The following PARG variants were observed in gnomAD, a reference collection of about 807,000 sequenced individuals.
PARG encodes mitochondrial poly(ADP-ribose) glycohydrolase.
In PARG, 35 loss-of-function variants were observed where a neutral mutation model predicts 113.0. The observed-to-expected ratio is 0.31, with a 90% CI of 0.24 to 0.41. The LOEUF is 0.41. PARG is among the 10% of genes least tolerant of loss of function. The probability of loss-of-function intolerance (pLI) is 1.00; values close to 1 mark genes in which losing one functional copy is unlikely to be tolerated. For synonymous variants in PARG, 330 were observed against 409.9 expected, an observed-to-expected ratio of 0.81 and a Z score of 2.36; for missense variants, 797 against 1,169.4, an observed-to-expected ratio of 0.68 and a Z score of 4.64.
chr10:49,834,361 A>G (rs901519169), intron 15 of PARG, among the ~76,000 whole-genome samples: 1 of 152,180 alleles, frequency 6.6e-6, no homozygotes, highest in Non-Finnish European at 1.5e-5. Flanking sequence ...TCTGTTTTAT[A>G]CTATCAGGAT....
At chr10:49,852,666 A>T (rs1554834394) in intron 13 of PARG, among the ~76,000 whole-genome samples, 2 of 150,244 alleles carry the variant, frequency 1.3e-5, no homozygotes, top group Non-Finnish European at 3.0e-5. Context: ...CCACGTTCAA[A>T]AGATTCTCCC....
At chr10:49,940,066 G>A (rs1259798765) in intron 1 of PARG, among the ~76,000 whole-genome samples, 1 of 152,142 alleles carries the variant, frequency 6.6e-6, no homozygotes, top group Non-Finnish European at 1.5e-5. Flanking sequence ...ACATGTTTAT[G>A]TTATCTATGC....
chr10:49,916,678 G>A (rs1361684442), intron 6 of PARG, among the ~76,000 whole-genome samples: 3 of 151,938 alleles, frequency 2.0e-5, no homozygotes, highest in Admixed American at 6.6e-5. Flanking sequence ...CCAGAGTCAG[G>A]TATGCATAAG....
chr10:49,915,092 T>G (rs1837394629), intron 7 of PARG, among the ~76,000 whole-genome samples: 1 of 151,632 alleles, frequency 6.6e-6, no homozygotes, highest in Non-Finnish European at 1.5e-5. Context: ...ATTAGCTTCT[T>G]AAATATGATC....
intron 6 of PARG, 38 bp downstream of exon 6, chr10:49,922,298 G>A (rs1474179648): frequency 2.5e-6 from 4 of 1,571,372 alleles, no homozygotes; most frequent in Non-Finnish European, 3.5e-6. Flanking sequence ...AGGAGACACA[G>A]GGCCCATAAA....
At chr10:49,829,279 C>CT (rs1844535140) in intron 16 of PARG, among the ~76,000 whole-genome samples, 1 of 151,868 alleles carries the variant, frequency 6.6e-6, no homozygotes, top group Admixed American at 6.6e-5. Flanking sequence ...TTGTAATTTT[C>CT]TTTTTTTGTA....
intron 13 of PARG, among the ~76,000 whole-genome samples, chr10:49,853,550 C>CA (rs1331561365): frequency 1.3e-5 from 2 of 152,114 alleles, no homozygotes; most frequent in Non-Finnish European, 2.9e-5. Context: ...CACGTGCATC[C>CA]ATGATAACTA....
intron 7 of PARG, among the ~76,000 whole-genome samples, chr10:49,899,736 G>A (rs1161295798): frequency 6.6e-6 from 1 of 150,630 alleles, no homozygotes; most frequent in Non-Finnish European, 1.5e-5. Flanking sequence ...CAGCTGTGGT[G>A]ACACATACAA....
At chr10:49,936,187 C>T (rs1312802480) in intron 1 of PARG, among the ~76,000 whole-genome samples, 1 of 151,888 alleles carries the variant, frequency 6.6e-6, no homozygotes, top group East Asian at 1.9e-4. Context: ...CAGTTACTGG[C>T]CAAGAACATA....
chr10:49,922,505 A>G (rs782263725), intron 5 of PARG, 42 bp downstream of exon 5: 2 of 1,610,350 alleles, frequency 1.2e-6, no homozygotes, highest in African/African-American at 1.3e-5. Flanking sequence ...CAAGTACCAA[A>G]CCATTTTTCA....
At chr10:49,884,309 A>G (rs1273921711) in intron 8 of PARG, among the ~76,000 whole-genome samples, 2 of 152,236 alleles carry the variant, frequency 1.3e-5, no homozygotes, top group East Asian at 1.9e-4. Flanking sequence ...AGGATTCTTT[A>G]TTTTTAAAAG....
chr10:49,830,103 A>G (rs1445306385), intron 16 of PARG, among the ~76,000 whole-genome samples: 1 of 152,214 alleles, frequency 6.6e-6, no homozygotes, highest in African/African-American at 2.4e-5. Context: ...ACTATGCTTG[A>G]TAGTCACCAG....
chr10:49,941,574 G>C lies in PARG; in HGVS notation c.152C>G (p.Pro51Arg). Residue 51 changes from proline to arginine, a missense_variant, in exon 1 of 18, where the codon CCA (proline) becomes CGA (arginine). Physicochemically the swap from Pro to Arg is moderately radical, Grantham distance 103 (BLOSUM62 -2). Transcript: ENST00000616448. ...PKDAHVQFRVPPSSPACVPGR... is the reference protein window; with the variant it reads ...PKDAHVQFRVRPSSPACVPGR... ...TGGGACGCAGGCTGGCGAGGACGGT[G>C]GGACCCTGAACTGCACGTGAGCGTC... The C allele has an allele frequency of 1.3e-6, 2 of 1,562,996 alleles. No individual in the cohort carries two copies. The highest frequency in any genetic ancestry group is 1.7e-6 in the Non-Finnish European group (2 of 1,154,320).
chr10:49,893,885 A>G (rs1222585065), intron 7 of PARG, among the ~76,000 whole-genome samples: 3 of 152,058 alleles, frequency 2.0e-5, no homozygotes, highest in Non-Finnish European at 1.5e-5. Flanking sequence ...TTTTTAGTAA[A>G]GACGGGGTTT....
chr10:49,891,301 G>A (rs1335017097), intron 7 of PARG, among the ~76,000 whole-genome samples: 1 of 151,928 alleles, frequency 6.6e-6, no homozygotes, highest in Non-Finnish European at 1.5e-5. Flanking sequence ...GCGACAGAGT[G>A]AGACTTTGTC....
chr10:49,914,288 G>A (rs1588981984), intron 7 of PARG, among the ~76,000 whole-genome samples: 1 of 152,316 alleles, frequency 6.6e-6, no homozygotes, highest in East Asian at 1.9e-4. Flanking sequence ...GTTATGTCCT[G>A]ATAACTTAAG....
chr10:49,825,736 C>A (rs573719848), intron 16 of PARG, among the ~76,000 whole-genome samples: 1 of 152,266 alleles, frequency 6.6e-6, no homozygotes, highest in East Asian at 1.9e-4. Context: ...CTTGGTTTCT[C>A]ATTCTTAAAA....
intron 16 of PARG, among the ~76,000 whole-genome samples, chr10:49,825,095 C>T (rs552905382): frequency 1.3e-5 from 2 of 152,190 alleles, no homozygotes; most frequent in Non-Finnish European, 2.9e-5. Flanking sequence ...ATTTTGGGTA[C>T]CCTGAGAGCT....
At chr10:49,835,408 G>C (rs1402339681) in intron 15 of PARG, among the ~76,000 whole-genome samples, 1 of 152,090 alleles carries the variant, frequency 6.6e-6, no homozygotes, top group Non-Finnish European at 1.5e-5. Flanking sequence ...AAAAGAAAAA[G>C]GAAGCACTGA....
Sources: gnomAD v4.1 joint callset for allele counts (sites outside exome capture counted in the v4.1 genomes callset) on GRCh38, gnomAD v4.1.1 for gene constraint, MANE v1.5 for transcripts, NCBI Gene and HGNC (gene_info 2026-07-23, HGNC 2026-07-21) for gene names.